RYR2: variants seen among roughly 807,000 people sequenced by gnomAD.
RYR2 encodes the protein ryanodine receptor 2.
A neutral mutation model predicts 601.1 loss-of-function variants in RYR2; 227 were observed. The ratio of observed to expected loss-of-function variants is 0.38; its 90% CI spans 0.34 to 0.42. The LOEUF is 0.42. RYR2 is among the 10% of genes least tolerant of loss of function. RYR2 has a pLI of 1.00. For missense variants in RYR2, 4,646 were observed against 6,156.5 expected, an observed-to-expected ratio of 0.75 and a Z score of 8.21; for synonymous variants, 2,223 against 2,175.1, an observed-to-expected ratio of 1.02 and a Z score of -0.61.
intron 58 of RYR2, among the ~76,000 whole-genome samples, chr1:237,669,631 C>T (rs1038880392): frequency 3.3e-5 from 5 of 151,138 alleles, no homozygotes; most frequent in Non-Finnish European, 5.9e-5. Context: ...CGGGCAGAGA[C>T]GCTCCTCACA....
At chr1:237,045,754 C>T (rs1217257169) in intron 1 of RYR2, among the ~76,000 whole-genome samples, 1 of 146,134 alleles carries the variant, frequency 6.8e-6, no homozygotes, top group East Asian at 2.0e-4. Flanking sequence ...TAAAAACACG[C>T]ATCTTTTTCG....
intron 2 of RYR2, among the ~76,000 whole-genome samples, chr1:237,295,124 G>C (rs1057006866): frequency 2.6e-5 from 4 of 152,146 alleles, no homozygotes; most frequent in African/African-American, 4.8e-5. Context: ...GCTTATATGA[G>C]AGGATCACTT....
At chr1:237,776,812 T>G (rs2149329438) in intron 87 of RYR2, among the ~76,000 whole-genome samples, 1 of 152,206 alleles carries the variant, frequency 6.6e-6, no homozygotes, top group African/African-American at 2.4e-5. Context: ...TTGTATTTTT[T>G]TATCTAACGT....
At chr1:237,224,500 A>AG (rs1684148475) in intron 1 of RYR2, among the ~76,000 whole-genome samples, 1 of 152,182 alleles carries the variant, frequency 6.6e-6, no homozygotes, top group Non-Finnish European at 1.5e-5. Flanking sequence ...TATTAGTAAT[A>AG]GCTAACATTT....
intron 61 of RYR2, among the ~76,000 whole-genome samples, chr1:237,680,219 TAGTG>T (rs912256095): frequency 7.2e-5 from 11 of 152,074 alleles, no homozygotes; most frequent in South Asian, 2.1e-4. Flanking sequence ...TTTGAGAAAA[TAGTG>T]AGAATAATTC....
intron 12 of RYR2, among the ~76,000 whole-genome samples, chr1:237,423,602 C>T (rs1045263133): frequency 3.4e-5 from 5 of 146,616 alleles, no homozygotes; most frequent in East Asian, 4.1e-4. Context: ...TGTTTCATGT[C>T]GTTTACAGTT....
intron 8 of RYR2, among the ~76,000 whole-genome samples, chr1:237,378,984 C>T (rs1177420806): frequency 6.6e-6 from 1 of 152,174 alleles, no homozygotes; most frequent in Non-Finnish European, 1.5e-5. Context: ...TAGAAATAGT[C>T]ACCATGCGAA....
chr1:237,586,576 C>T (rs1674550862), intron 29 of RYR2, among the ~76,000 whole-genome samples: 1 of 152,192 alleles, frequency 6.6e-6, no homozygotes, highest in Admixed American at 6.5e-5. Context: ...TTTTTAATCA[C>T]TTCATAGTAA....
chr1:237,309,931 C>T (rs1010522105), intron 2 of RYR2, among the ~76,000 whole-genome samples: 12 of 152,318 alleles, frequency 7.9e-5, no homozygotes, highest in African/African-American at 2.6e-4. Context: ...GTGCGGGACC[C>T]GCCGAGCCCA....
intron 1 of RYR2, among the ~76,000 whole-genome samples, chr1:237,097,590 T>C (rs1471470218): frequency 6.6e-6 from 1 of 152,230 alleles, no homozygotes; most frequent in Non-Finnish European, 1.5e-5. Flanking sequence ...TCTTCCAGTA[T>C]AGGAGACCAA....
At chr1:237,762,557 C>A (rs2149282034) in intron 84 of RYR2, among the ~76,000 whole-genome samples, 1 of 152,336 alleles carries the variant, frequency 6.6e-6, no homozygotes, top group South Asian at 2.1e-4. Context: ...CATATCAGCT[C>A]CCAAAAGGAA....
intron 94 of RYR2, 63 bp downstream of exon 94, chr1:237,792,386 T>TGTGTGC (rs1658533970): frequency 2.4e-6 from 2 of 817,118 alleles, no homozygotes; most frequent in Non-Finnish European, 3.6e-6. Context: ...TGTGTGCGTG[T>TGTGTGC]GTGTGTGTGT....
intron 31 of RYR2, among the ~76,000 whole-genome samples, chr1:237,591,388 G>A (rs1675186477): frequency 1.3e-5 from 2 of 151,992 alleles, no homozygotes; most frequent in South Asian, 4.1e-4. Flanking sequence ...TCTCCAAATA[G>A]TATTTTTTAT....
At chr1:237,589,576 G>A (rs763115856) in intron 29 of RYR2, among the ~76,000 whole-genome samples, 2 of 152,072 alleles carry the variant, frequency 1.3e-5, no homozygotes, top group Non-Finnish European at 2.9e-5. Flanking sequence ...CTTATCTAGG[G>A]CCCACAGCTA....
chr1:237,286,573 T>TGTCTGGTGCTGTCAGTGGAGCA (rs1339211035), intron 2 of RYR2, among the ~76,000 whole-genome samples: 1 of 13,742 alleles, frequency 7.3e-5, no homozygotes, highest in Non-Finnish European at 1.6e-4. Context: ...TTTTGTCTCC[T>TGTCTGGTGCTGTCAGTGGAGCA]TTAACTGTTG....
At chr1:237,112,473 A>T in intron 1 of RYR2, among the ~76,000 whole-genome samples, 1 of 147,254 alleles carries the variant, frequency 6.8e-6, no homozygotes, top group African/African-American at 2.5e-5. Context: ...TCCCATTTTT[A>T]TTTTGTTTAC....
chr1:237,447,931 C>T (rs1274111929), intron 14 of RYR2, among the ~76,000 whole-genome samples: 1 of 150,168 alleles, frequency 6.7e-6, no homozygotes, highest in African/African-American at 2.5e-5. Flanking sequence ...TTCCTCCCTC[C>T]CCTCTCCCCA....
chr1:237,388,029 C>T, intron 9 of RYR2, 58 bp from the exon 10 acceptor site: 1 of 1,456,818 alleles, frequency 6.9e-7, no homozygotes, highest in Non-Finnish European at 9.6e-7. Context: ...GATGATCTGT[C>T]TGGCTATCAG....
rs965074975 is a variant in RYR2, at chr1:237,419,393, G to C, written c.848+2270G>C. Among the ~76,000 whole-genome samples the C allele has an allele frequency of 3.3e-5, 5 of 151,988 alleles. No homozygotes were observed. In the South Asian group the frequency reaches 8.3e-4, roughly 25 times the overall value. On this transcript the variant is annotated intron_variant, in intron 11 of 104. Coordinates refer to ENST00000366574, the MANE Select transcript of RYR2 (RefSeq NM_001035.3). The stretch of plus-strand genomic sequence containing the variant: ...GATGAGCTGTGACTACATAAATCTA[G>C]ATTATTCTTCAAACTTCTGAATTAA...
Sources: gnomAD v4.1 joint callset for allele counts (sites outside exome capture counted in the v4.1 genomes callset) on GRCh38, gnomAD v4.1.1 for gene constraint, MANE v1.5 for transcripts, NCBI Gene and HGNC (gene_info 2026-07-23, HGNC 2026-07-21) for gene names.